ACADSB: variants seen among roughly 807,000 people sequenced by gnomAD.
ACADSB encodes the protein short/branched chain specific acyl-CoA dehydrogenase, mitochondrial.
A neutral mutation model predicts 54.1 loss-of-function variants in ACADSB; 40 were observed. The ratio of observed to expected loss-of-function variants is 0.74; its 90% CI spans 0.57 to 0.96. The LOEUF is 0.96. Ranked by LOEUF, ACADSB falls within the 40% of genes least tolerant of loss-of-function variation. The pLI, the probability that ACADSB is intolerant of heterozygous loss-of-function variation, is 0.00. For synonymous variants in ACADSB, 182 were observed against 182.8 expected (o/e 1.00, Z 0.03); for missense variants, 530 against 510.4 (o/e 1.04, Z -0.37).
At chr10:123,025,677 T>C (rs1192280042) in intron 1 of ACADSB, among the ~76,000 whole-genome samples, 1 of 151,980 alleles carries the variant, frequency 6.6e-6, no homozygotes, top group Non-Finnish European at 1.5e-5. Context: ...GCAAAGAACA[T>C]GAATAAGCTG....
chr10:123,022,691 T>TTATCCTTAGTAACCCAAGGA (rs148180835), intron 1 of ACADSB, among the ~76,000 whole-genome samples: 1 of 152,102 alleles, frequency 6.6e-6, no homozygotes, highest in Non-Finnish European at 1.5e-5. Flanking sequence ...ATTCGAATTC[T>TTATCCTTAGTAACCCAAGGA]TATCCTTAGT....
intron 4 of ACADSB, 75 bp downstream of exon 4, chr10:123,040,747 C>A: frequency 1.4e-6 from 2 of 1,410,562 alleles, no homozygotes; most frequent in Admixed American, 1.7e-5. Flanking sequence ...AAAAAAGTAG[C>A]TGCAATGTCG....
intron 6 of ACADSB, 143 bp downstream of exon 6, chr10:123,043,314 C>G (rs1850501079): frequency 9.5e-7 from 1 of 1,055,224 alleles, no homozygotes; most frequent in Middle Eastern, 2.5e-4. Context: ...CTGAACAGCG[C>G]TCTTTAGTCA....
chr10:123,036,379 G>T lies in ACADSB; in HGVS notation c.203-1368G>T, dbSNP rs183185600. On this transcript the variant is annotated intron_variant, in intron 2 of 10. Coordinates refer to ENST00000358776, the MANE Select transcript of ACADSB (RefSeq NM_001609.4). ...TGGGATTACAGGCATGAGCCACTGC[G>T]CCCAGCTAGTAAATTTCTTTTCCTT... Among the ~76,000 whole-genome samples, 5 of 152,330 alleles carry T rather than the reference G, an allele frequency of 3.3e-5. No individual in the cohort carries two copies. The South Asian group carries it at 8.3e-4, about 25-fold the overall frequency.
intron 1 of ACADSB, among the ~76,000 whole-genome samples, chr10:123,023,980 C>G (rs1333753793): frequency 6.6e-6 from 1 of 152,246 alleles, no homozygotes; most frequent in African/African-American, 2.4e-5. Flanking sequence ...GGGGTCCAGT[C>G]TTAGAGTGTC....
At chr10:123,011,377 C>T (rs1850031729) in intron 1 of ACADSB, among the ~76,000 whole-genome samples, 1 of 152,208 alleles carries the variant, frequency 6.6e-6, no homozygotes, top group Non-Finnish European at 1.5e-5. Flanking sequence ...TGCTGACCTT[C>T]AGCCTACCCC....
chr10:123,010,195 G>T (rs781041238), intron 1 of ACADSB, among the ~76,000 whole-genome samples: 5 of 152,214 alleles, frequency 3.3e-5, no homozygotes, highest in Non-Finnish European at 7.3e-5. Context: ...CTCTGTGGTA[G>T]GCACGTTCTC....
chr10:123,051,349 A>G (rs1455881874), intron 9 of ACADSB, among the ~76,000 whole-genome samples, 163 bp downstream of exon 9: 2 of 152,180 alleles, frequency 1.3e-5, no homozygotes, highest in Non-Finnish European at 2.9e-5. Flanking sequence ...AAAGCAAAAA[A>G]GGAAAACTGC....
intron 7 of ACADSB, among the ~76,000 whole-genome samples, chr10:123,045,828 G>A (rs1850554180): frequency 6.6e-6 from 1 of 152,138 alleles, no homozygotes; most frequent in South Asian, 2.1e-4. Context: ...CTGGGCTTCA[G>A]TTTAATTACT....
chr10:123,018,055 C>G (rs887974126), intron 1 of ACADSB, among the ~76,000 whole-genome samples: 2 of 152,080 alleles, frequency 1.3e-5, no homozygotes, highest in African/African-American at 2.4e-5. Flanking sequence ...GTATGTTCGA[C>G]CCCCACTTCC....
rs982537015 is a variant in ACADSB at position 123,052,686 on chromosome 10, CA to C, written c.1129-374del. The stretch of plus-strand genomic sequence containing the variant: ...CCCGATCCCAGCCCACTGGCTGTCT[CA>C]GGGGCTGGAAGTTGAAGAGCTCATT... On this transcript the variant is annotated intron_variant, in intron 9 of 10. Coordinates refer to ENST00000358776, the MANE Select transcript of ACADSB (RefSeq NM_001609.4). The surrounding 1 kb of genome is among the most constrained non-coding windows in gnomAD (Gnocchi z 4.2). The C allele has an allele frequency of 1.7e-5, 5 of 287,370 alleles. No individual in the cohort carries two copies. Among genetic ancestry groups the C allele is most frequent in the Admixed American group, 9.4e-5 (2 of 21,192 alleles). The allele number at this position is 287,370 out of a possible 1,614,324, so 17.8% of individuals were successfully genotyped here.
At chr10:123,018,082 A>C (rs1005304212) in intron 1 of ACADSB, among the ~76,000 whole-genome samples, 9 of 152,212 alleles carry the variant, frequency 5.9e-5, no homozygotes, top group Non-Finnish European at 1.2e-4. Flanking sequence ...GGCCTGAAAC[A>C]GTCTCTCAGG....
chr10:123,047,409 A>T, intron 8 of ACADSB, 111 bp downstream of exon 8: 1 of 807,666 alleles, frequency 1.2e-6, no homozygotes, highest in Non-Finnish European at 2.1e-6. Context: ...TTTTAATGGG[A>T]GATGGGTAGG....
chr10:123,015,746 T>C (rs1009677975), intron 1 of ACADSB, among the ~76,000 whole-genome samples: 1 of 152,226 alleles, frequency 6.6e-6, no homozygotes, highest in Non-Finnish European at 1.5e-5. Context: ...AAGATTTCAA[T>C]AGCAGCCATT....
chr10:123,039,525 G>A (rs1261960967), intron 3 of ACADSB, among the ~76,000 whole-genome samples: 1 of 152,204 alleles, frequency 6.6e-6, no homozygotes, highest in African/African-American at 2.4e-5. Context: ...TGTTTACCAG[G>A]CCCTCGTGCT....
intron 1 of ACADSB, among the ~76,000 whole-genome samples, chr10:123,012,061 G>C (rs1850043563): frequency 6.6e-6 from 1 of 151,902 alleles, no homozygotes; most frequent in Non-Finnish European, 1.5e-5. Flanking sequence ...GTGTTGGCCA[G>C]GCTGGTCTGG....
intron 8 of ACADSB, among the ~76,000 whole-genome samples, chr10:123,048,340 C>T (rs1360730846): frequency 6.6e-6 from 1 of 152,168 alleles, no homozygotes. Context: ...ACAGCCCATG[C>T]TGTCATTCCC....
At chr10:123,045,483 G>A (rs1295338883) in intron 7 of ACADSB, among the ~76,000 whole-genome samples, 1 of 151,890 alleles carries the variant, frequency 6.6e-6, no homozygotes, top group Non-Finnish European at 1.5e-5. Flanking sequence ...CCCGGCGTTT[G>A]TAGAGTATAT....
At chr10:123,034,039 GT>G (rs1850362946) in intron 1 of ACADSB, among the ~76,000 whole-genome samples, 2 of 152,270 alleles carry the variant, frequency 1.3e-5, no homozygotes, top group Admixed American at 1.3e-4. Flanking sequence ...TATAGTTCCA[GT>G]TTCCCCTTCT....
Sources: gnomAD v4.1 joint callset for allele counts (sites outside exome capture counted in the v4.1 genomes callset) on GRCh38, gnomAD v4.1.1 for gene constraint, Gnocchi (gnomAD v3.1) non-coding constraint, MANE v1.5 for transcripts, NCBI Gene and HGNC (gene_info 2026-07-23, HGNC 2026-07-21) for gene names.